Variants in PPP2R2A observed in about 807,000 individuals in gnomAD.
PPP2R2A encodes serine/threonine-protein phosphatase 2A 55 kDa regulatory subunit B alpha isoform.
Under a neutral mutation model 53.2 loss-of-function variants are expected in PPP2R2A, and 9 were observed. The observed-to-expected ratio is 0.17, with a 90% confidence interval of 0.10 to 0.30. PPP2R2A has a LOEUF of 0.30. PPP2R2A is among the 10% of genes least tolerant of loss of function. PPP2R2A has a pLI of 1.00. For missense variants in PPP2R2A, 235 were observed against 534.6 expected (o/e 0.44, Z 5.53); for synonymous variants, 169 against 174.2 (o/e 0.97, Z 0.23).
intron 2 of PPP2R2A, among the ~76,000 whole-genome samples, chr8:26,318,891 A>G (rs1802694588): frequency 6.6e-6 from 1 of 152,218 alleles, no homozygotes; most frequent in African/African-American, 2.4e-5. Flanking sequence ...TTACCATTTT[A>G]AAGTGTATAG....
chr8:26,327,218 G>A (rs1448227457), intron 2 of PPP2R2A, among the ~76,000 whole-genome samples: 4 of 152,154 alleles, frequency 2.6e-5, no homozygotes, highest in African/African-American at 9.7e-5. Flanking sequence ...TCGAGGGTGT[G>A]CCCTGACGTA....
intron 2 of PPP2R2A, among the ~76,000 whole-genome samples, chr8:26,332,875 A>T (rs1803457547): frequency 6.6e-6 from 1 of 152,180 alleles, no homozygotes; most frequent in Admixed American, 6.5e-5. Context: ...TCATCCAGAG[A>T]TTTATAGAAT....
At chr8:26,324,075 T>G (rs1056340083) in intron 2 of PPP2R2A, among the ~76,000 whole-genome samples, 1 of 152,236 alleles carries the variant, frequency 6.6e-6, no homozygotes, top group Non-Finnish European at 1.5e-5. Flanking sequence ...TTAATCTCAC[T>G]GGCTTTCTTG....
chr8:26,344,047 C>G (rs962744161), intron 3 of PPP2R2A, among the ~76,000 whole-genome samples: 1 of 152,068 alleles, frequency 6.6e-6, no homozygotes, highest in Non-Finnish European at 1.5e-5. Context: ...ACCAGATTAC[C>G]CATCCAAAGT....
chr8:26,366,296 A>G lies in PPP2R2A; in HGVS notation c.973-19A>G. 1 of 1,573,548 alleles carries G rather than the reference A, an allele frequency of 6.4e-7. No individual in the cohort carries two copies. Among genetic ancestry groups the G allele is most frequent in the Non-Finnish European group, 8.7e-7 (1 of 1,153,394 alleles). On this transcript the variant is annotated intron_variant, in intron 8 of 9. Transcript: ENST00000380737. ...CATTTTCCTAATTTCAGTGCAGTAT[A>G]TTTGTATTTTTCCCCCAGGTGCATG... is the stretch of plus-strand genomic sequence containing the variant.
At chr8:26,300,969 T>G (rs2117200052) in intron 2 of PPP2R2A, among the ~76,000 whole-genome samples, 1 of 152,350 alleles carries the variant, frequency 6.6e-6, no homozygotes, top group African/African-American at 2.4e-5. Flanking sequence ...ATTTTTTGAG[T>G]GCTTAACTAT....
intron 4 of PPP2R2A, among the ~76,000 whole-genome samples, chr8:26,356,375 T>C (rs1804785097): frequency 6.6e-6 from 1 of 152,200 alleles, no homozygotes; most frequent in South Asian, 2.1e-4. Context: ...AGCCAGTCCA[T>C]TGAGATGCGT....
At chr8:26,333,681 T>A in intron 2 of PPP2R2A, 1 of 396,526 alleles carries the variant, frequency 2.5e-6, no homozygotes, top group Non-Finnish European at 3.7e-6. Context: ...CTGATTTTTA[T>A]ACTGAGAGTT....
chr8:26,295,217 A>C (rs1455749031), intron 2 of PPP2R2A, among the ~76,000 whole-genome samples: 1 of 152,190 alleles, frequency 6.6e-6, no homozygotes, highest in African/African-American at 2.4e-5. Context: ...CACTGAGGGT[A>C]CTTGGTGTCT....
At chr8:26,314,204 C>T (rs1585342211) in intron 2 of PPP2R2A, among the ~76,000 whole-genome samples, 1 of 152,170 alleles carries the variant, frequency 6.6e-6, no homozygotes, top group African/African-American at 2.4e-5. Context: ...GTGAATCTGT[C>T]ACTAAATCAT....
At chr8:26,339,242 A>G (rs1416659831) in intron 3 of PPP2R2A, among the ~76,000 whole-genome samples, 1 of 152,224 alleles carries the variant, frequency 6.6e-6, no homozygotes, top group Non-Finnish European at 1.5e-5. Flanking sequence ...GGGGGTGGAA[A>G]GTGATGGAAT....
intron 9 of PPP2R2A, among the ~76,000 whole-genome samples, chr8:26,369,124 T>TACAC (rs375380252): frequency 2.1e-4 from 31 of 149,412 alleles, no homozygotes; most frequent in African/African-American, 4.7e-4. Flanking sequence ...AAAAAAATTA[T>TACAC]ACACACACAC....
rs538953528 is a variant in PPP2R2A at position 26,321,193 on chromosome 8, C to T, written c.83-17697C>T. On this transcript the variant is annotated intron_variant, in intron 2 of 9. Transcript: ENST00000380737. This position sits in a 1 kb window ranked among gnomAD's most constrained non-coding sequence, Gnocchi z 4.1. ...TAGTAGGAGTAAGTGACAGGACCTA[C>T]TTTGAATAGCCAGAGTTAGAATTGA... is the stretch of plus-strand genomic sequence containing the variant. Among the ~76,000 whole-genome samples, 50 of 152,306 alleles carry T rather than the reference C, an allele frequency of 3.3e-4. No individual in the cohort carries two copies. Among genetic ancestry groups the T allele is most frequent in the Non-Finnish European group, 5.0e-4 (34 of 68,018 alleles).
chr8:26,360,155 T>C lies in PPP2R2A; in HGVS notation c.347-14T>C, dbSNP rs754478832. On this transcript the variant is annotated splice_polypyrimidine_tract_variant and intron_variant, in intron 4 of 9. Coordinates refer to ENST00000380737, the MANE Select transcript of PPP2R2A (RefSeq NM_002717.4). The surrounding 1 kb of genome is among the most constrained non-coding windows in gnomAD (Gnocchi z 4.5). Reference sequence around the variant, plus strand: ...CTTCAGTATTTTAAGGACTTTTCTTTATTTTCTTCCCAGATAAAACAATAA... The same window carrying C: ...CTTCAGTATTTTAAGGACTTTTCTTCATTTTCTTCCCAGATAAAACAATAA... The C allele has an allele frequency of 6.0e-5, 87 of 1,459,344 alleles. No individual in the cohort carries two copies. The highest frequency in any genetic ancestry group is 8.0e-5 in the Non-Finnish European group (84 of 1,051,704). 90.4% of individuals were successfully genotyped at this position (1,459,344 alleles called of 1,614,324 possible). A position where few individuals can be genotyped will look rare whatever the true frequency, so the allele number is the denominator to read the frequency against.
Position 26,338,594 on chromosome 8 carries a change from C to G in PPP2R2A, c.83-296C>G, listed in dbSNP as rs1177089830. 6.6e-6 allele frequency among the ~76,000 whole-genome samples: 1 copy of G among 152,180 alleles called. No individual in the cohort carries two copies. Among genetic ancestry groups the G allele is most frequent in the African/African-American group, 2.4e-5 (1 of 41,448 alleles). On this transcript the variant is annotated intron_variant, in intron 2 of 9. Transcript: ENST00000380737. This position sits in a 1 kb window ranked among gnomAD's most constrained non-coding sequence, Gnocchi z 4.5. ...GTTTAAGGGTGCTATCAGAATGATT[C>G]ACAAATTGTTGATTTCTTTGCATTC...
At position 26,366,065 on chromosome 8, in the gene PPP2R2A, A is replaced by G. The variant is rs372496615; in HGVS notation, c.973-250A>G. 1.7e-4 allele frequency: 66 copies of G among 377,810 alleles called. No individual in the cohort carries two copies. The East Asian group carries it at 2.7e-3, about 15-fold the overall frequency. 23.4% of individuals were successfully genotyped at this position (377,810 alleles called of 1,614,324 possible). On this transcript the variant is annotated intron_variant, in intron 8 of 9. Coordinates refer to ENST00000380737, the MANE Select transcript of PPP2R2A (RefSeq NM_002717.4). ...GCCTGAATGTTTTATTCAGGCTTATAAAGGCTATGTGTGCCATGCCCAGAA... is the reference window on the plus strand; with the variant it reads ...GCCTGAATGTTTTATTCAGGCTTATGAAGGCTATGTGTGCCATGCCCAGAA...
At chr8:26,335,911 G>C (rs998511609) in intron 2 of PPP2R2A, among the ~76,000 whole-genome samples, 1 of 152,164 alleles carries the variant, frequency 6.6e-6, no homozygotes, top group Non-Finnish European at 1.5e-5. Context: ...AATTGTTCCT[G>C]CCATAAGAAG....
At chr8:26,315,694 CAG>C (rs1802519142) in intron 2 of PPP2R2A, among the ~76,000 whole-genome samples, 1 of 152,172 alleles carries the variant, frequency 6.6e-6, no homozygotes, top group African/African-American at 2.4e-5. Context: ...TTTGCATGCT[CAG>C]AGGTTTCACT....
rs760997932 is a variant in PPP2R2A, at chr8:26,360,135, G to A, written c.347-34G>A. 1.5e-5 allele frequency: 18 copies of A among 1,207,350 alleles called. No individual in the cohort carries two copies. In the Admixed American group the frequency reaches 3.4e-4, roughly 23 times the overall value. 74.8% of individuals were successfully genotyped at this position (1,207,350 alleles called of 1,614,324 possible). A position where few individuals can be genotyped will look rare whatever the true frequency, so the allele number is the denominator to read the frequency against. On this transcript the variant is annotated intron_variant, in intron 4 of 9. Transcript: ENST00000380737. The surrounding 1 kb of genome is among the most constrained non-coding windows in gnomAD (Gnocchi z 4.5). ...TGCCTTAAAATGTTTTTCTTCTTCA[G>A]TATTTTAAGGACTTTTCTTTATTTT...
Sources: allele counts gnomAD v4.1 joint callset (sites outside exome capture counted in the v4.1 genomes callset), GRCh38; gene constraint gnomAD v4.1.1; non-coding constraint Gnocchi (gnomAD v3.1); transcripts MANE v1.5; gene names NCBI Gene and HGNC (gene_info 2026-07-23, HGNC 2026-07-21).